DCC: variants seen among roughly 807,000 people sequenced by gnomAD.
DCC encodes netrin receptor DCC.
DCC carries 58 observed loss-of-function variants against 172.5 expected under a neutral mutation model. That is an observed-to-expected ratio of 0.34 (90% CI 0.27 to 0.42). The LOEUF (loss-of-function observed/expected upper bound fraction) is 0.42. DCC is among the 10% of genes least tolerant of loss of function. DCC has a pLI of 1.00. For synonymous variants in DCC, 709 were observed against 644.5 expected, an observed-to-expected ratio of 1.10 and a Z score of -1.52; for missense variants, 1,740 against 1,791.0, an observed-to-expected ratio of 0.97 and a Z score of 0.51.
At chr18:53,412,519 T>C (rs1194770140) in intron 20 of DCC, among the ~76,000 whole-genome samples, 1 of 151,996 alleles carries the variant, frequency 6.6e-6, no homozygotes, top group Non-Finnish European at 1.5e-5. Context: ...GATAAAATCA[T>C]GCTATTGCTC....
At chr18:53,285,050 A>C (rs538212140) in intron 12 of DCC, among the ~76,000 whole-genome samples, 2 of 152,284 alleles carry the variant, frequency 1.3e-5, no homozygotes, top group East Asian at 1.9e-4. Context: ...AAAGGCATTA[A>C]ATTTTACATG....
At chr18:52,689,143 C>A (rs573904923) in intron 1 of DCC, among the ~76,000 whole-genome samples, 8 of 152,054 alleles carry the variant, frequency 5.3e-5, no homozygotes, top group African/African-American at 1.9e-4. Context: ...TATTGAGTAC[C>A]TTCTAAGCAC....
intron 1 of DCC, among the ~76,000 whole-genome samples, chr18:52,565,800 T>C (rs2033147832): frequency 6.6e-6 from 1 of 152,194 alleles, no homozygotes. Context: ...CTGTTCACGC[T>C]GATGATTGTT....
chr18:52,742,766 G>A (rs2036843221), intron 1 of DCC, among the ~76,000 whole-genome samples: 1 of 152,134 alleles, frequency 6.6e-6, no homozygotes, highest in Non-Finnish European at 1.5e-5. Flanking sequence ...ACTATGACAT[G>A]TAGTATGAAT....
intron 21 of DCC, among the ~76,000 whole-genome samples, chr18:53,433,414 G>T (rs1388053738): frequency 6.6e-6 from 1 of 152,158 alleles, no homozygotes; most frequent in Non-Finnish European, 1.5e-5. Context: ...ATCCTCCATA[G>T]GCTACCTAGC....
intron 27 of DCC, among the ~76,000 whole-genome samples, chr18:53,512,080 G>C (rs1248070951): frequency 6.6e-6 from 1 of 152,116 alleles, no homozygotes; most frequent in Admixed American, 6.5e-5. Context: ...GCTTTGAAGA[G>C]AGCAGTGGTT....
At chr18:53,427,973 TAA>T (rs1911124061) in intron 21 of DCC, among the ~76,000 whole-genome samples, 1 of 60,342 alleles carries the variant, frequency 1.7e-5, no homozygotes, top group Admixed American at 2.7e-4. Flanking sequence ...ATATAATATA[TAA>T]TATAATATAA....
At chr18:52,848,479 G>A (rs1021744919) in intron 2 of DCC, among the ~76,000 whole-genome samples, 4 of 152,126 alleles carry the variant, frequency 2.6e-5, no homozygotes, top group South Asian at 2.1e-4. Flanking sequence ...ACACATTTTG[G>A]TGGTTTAAAA....
rs372890529 is a variant in DCC, at chr18:53,499,302, G to A, written c.3903G>A (p.Val1301=). The A allele has an allele frequency of 2.0e-5, 33 of 1,614,000 alleles. No individual in the cohort carries two copies. The highest frequency in any genetic ancestry group is 2.6e-5 in the Non-Finnish European group (31 of 1,179,980). Residue 1301 remains valine (V), a synonymous_variant, in exon 27 of 29, where the codon GTG becomes GTA. Coordinates refer to ENST00000442544, the MANE Select transcript of DCC (RefSeq NM_005215.4). ...CTTTTCTTGTCTCCACTGCAGCAGT[G>A]AGTGAAGGACCAACTACCCAACAAC... ...RGFGAGRSQS[V]SEGPTTQQPP...
chr18:53,492,390 T>G (rs760032914), intron 26 of DCC, among the ~76,000 whole-genome samples: 3 of 152,214 alleles, frequency 2.0e-5, no homozygotes, highest in Non-Finnish European at 2.9e-5. Flanking sequence ...CGTGCTTATG[T>G]CCTGAATGGT....
At chr18:53,317,910 T>C (rs117806267) in intron 13 of DCC, among the ~76,000 whole-genome samples, 2,907 of 152,278 alleles carry the variant, frequency 0.019, 37 homozygotes, top group Middle Eastern at 0.051. Flanking sequence ...GTCTATTTTG[T>C]TAATCTTTTC....
chr18:53,144,752 G>A (rs2043880460), intron 7 of DCC, among the ~76,000 whole-genome samples: 1 of 152,014 alleles, frequency 6.6e-6, no homozygotes, highest in Admixed American at 6.6e-5. Flanking sequence ...GGTGCCATTT[G>A]TTTTCCTTTA....
At chr18:53,375,199 A>G (rs183434231) in intron 15 of DCC, among the ~76,000 whole-genome samples, 11 of 152,200 alleles carry the variant, frequency 7.2e-5, no homozygotes, top group Non-Finnish European at 2.9e-5. Flanking sequence ...AGGTTCATAT[A>G]CTAACCTCTG....
chr18:52,391,552 T>C (rs111813836), intron 1 of DCC, among the ~76,000 whole-genome samples: 4 of 152,230 alleles, frequency 2.6e-5, no homozygotes, highest in African/African-American at 9.6e-5. Context: ...GAAGACAGGC[T>C]ATCTGGGTCT....
At chr18:53,103,683 T>C (rs557502107) in intron 7 of DCC, among the ~76,000 whole-genome samples, 1 of 152,254 alleles carries the variant, frequency 6.6e-6, no homozygotes, top group Admixed American at 6.5e-5. Flanking sequence ...AAACGCTTGA[T>C]CCTTTTAGGA....
chr18:52,813,063 ATAGC>A (rs2038229976), intron 2 of DCC, among the ~76,000 whole-genome samples: 1 of 152,206 alleles, frequency 6.6e-6, no homozygotes, highest in African/African-American at 2.4e-5. Context: ...TGGGCTTAAG[ATAGC>A]TATGTTTTAA....
At chr18:52,721,194 C>A (rs2036468521) in intron 1 of DCC, among the ~76,000 whole-genome samples, 1 of 152,180 alleles carries the variant, frequency 6.6e-6, no homozygotes, top group African/African-American at 2.4e-5. Flanking sequence ...CCATTGAAAT[C>A]AACAGGACCG....
Position 53,391,851 on chromosome 18 carries a change from G to A in DCC, c.2652G>A (p.Arg884=), listed in dbSNP as rs191979780. 5 of 1,612,806 alleles carry A rather than the reference G, an allele frequency of 3.1e-6. No individual in the cohort carries two copies. The African/African-American group carries it at 4.0e-5, about 13-fold the overall frequency. The change falls in exon 17 of 29, where the codon CGG becomes CGA. Residue 884 remains arginine (R), a synonymous_variant. Coordinates refer to ENST00000442544, the MANE Select transcript of DCC (RefSeq NM_005215.4). The part of the protein sequence containing the change: ...KTSEVRLYTV[R]WRTSFSASAK... Reference sequence around the variant, plus strand: ...CTGAGGTGCGACTTTACACCGTCCGGTGGAGAACCAGCTTTTCTGCAAGTG... The same window carrying A: ...CTGAGGTGCGACTTTACACCGTCCGATGGAGAACCAGCTTTTCTGCAAGTG...
intron 2 of DCC, among the ~76,000 whole-genome samples, chr18:52,815,205 G>C (rs1194121681): frequency 1.3e-5 from 2 of 152,090 alleles, no homozygotes; most frequent in African/African-American, 2.4e-5. Context: ...TAGAAAGTTA[G>C]GTAATTGACA....
Sources: gnomAD v4.1 joint callset for allele counts (sites outside exome capture counted in the v4.1 genomes callset) on GRCh38, gnomAD v4.1.1 for gene constraint, MANE v1.5 for transcripts, NCBI Gene and HGNC (gene_info 2026-07-23, HGNC 2026-07-21) for gene names.